GNAO1: variants seen among roughly 807,000 people sequenced by gnomAD.
The protein encoded by GNAO1 is G protein subunit alpha o1.
For missense variants in GNAO1, 166 were observed against 478.7 expected (o/e 0.35, Z 6.10); for synonymous variants, 164 against 180.7 (o/e 0.91, Z 0.74).
intron 6 of GNAO1, chr16:56,345,645 T>C (rs2037859222): frequency 1.0e-6 from 1 of 985,354 alleles, no homozygotes; most frequent in Admixed American, 6.1e-5. Context: ...TCGGTCATGT[T>C]TTGGACCTTG....
intron 3 of GNAO1, among the ~76,000 whole-genome samples, chr16:56,294,712 A>G (rs1231662008): frequency 6.6e-6 from 1 of 152,178 alleles, no homozygotes; most frequent in East Asian, 1.9e-4. Flanking sequence ...AAGTGGTAGT[A>G]CTGTTGAAAA....
chr16:56,321,251 A>G (rs181096703), intron 3 of GNAO1, among the ~76,000 whole-genome samples: 30 of 152,322 alleles, frequency 2.0e-4, no homozygotes, highest in Admixed American at 5.2e-4. Context: ...ATATCCTCCA[A>G]TGGATTTTTA....
chr16:56,336,948 G>A (rs1209422494), intron 6 of GNAO1, 88 bp downstream of exon 6: 5 of 1,275,834 alleles, frequency 3.9e-6, no homozygotes, highest in African/African-American at 3.0e-5. Flanking sequence ...GGCCTCGGGT[G>A]CCCACAATGG....
intron 3 of GNAO1, chr16:56,302,146 G>GT (rs2143586435): frequency 6.6e-6 from 1 of 152,550 alleles, no homozygotes; most frequent in East Asian, 1.9e-4. Flanking sequence ...GCCGTGTTCA[G>GT]TCCTCAGGGA....
At chr16:56,337,872 C>T (rs1239183567) in intron 6 of GNAO1, among the ~76,000 whole-genome samples, 14 of 152,318 alleles carry the variant, frequency 9.2e-5, no homozygotes, top group South Asian at 6.2e-4. Context: ...CTCCTGACAG[C>T]GGGGCCCATA....
chr16:56,288,743 G>A (rs1205404214), intron 3 of GNAO1, among the ~76,000 whole-genome samples: 3 of 152,054 alleles, frequency 2.0e-5, no homozygotes, highest in East Asian at 1.9e-4. Flanking sequence ...GGGTGGAGGC[G>A]GGTAGGGTCT....
chr16:56,288,828 C>G (rs2037199781), intron 3 of GNAO1, among the ~76,000 whole-genome samples: 1 of 152,136 alleles, frequency 6.6e-6, no homozygotes. Context: ...CCCCTAGGCC[C>G]TGCCTCGGCT....
chr16:56,340,161 C>T (rs1445566706), intron 6 of GNAO1: 1 of 152,260 alleles, frequency 6.6e-6, no homozygotes, highest in Non-Finnish European at 1.5e-5. Context: ...CTGTTTTCAT[C>T]TGTTTTGCTG....
chr16:56,276,296 C>A (rs867727516), intron 3 of GNAO1: 13 of 413,838 alleles, frequency 3.1e-5, no homozygotes, highest in Admixed American at 1.6e-4. Flanking sequence ...TACAAAACTC[C>A]CGGATTTATT....
At chr16:56,307,750 G>C (rs1477417143) in intron 3 of GNAO1, 1 of 152,250 alleles carries the variant, frequency 6.6e-6, no homozygotes, top group African/African-American at 2.4e-5. Flanking sequence ...CATGGTGTCT[G>C]TCTTCCATTC....
At chr16:56,319,809 A>G (rs2037553930) in intron 3 of GNAO1, among the ~76,000 whole-genome samples, 1 of 151,580 alleles carries the variant, frequency 6.6e-6, no homozygotes, top group Admixed American at 6.6e-5. Context: ...ACCCCTCTCA[A>G]TGCTGGAATG....
chr16:56,285,106 C>G (rs1351505376), intron 3 of GNAO1, among the ~76,000 whole-genome samples: 1 of 152,178 alleles, frequency 6.6e-6, no homozygotes, highest in Non-Finnish European at 1.5e-5. Flanking sequence ...CCATCAGTCT[C>G]TACATGTTCA....
At chr16:56,256,993 C>T (rs1275264149) in intron 2 of GNAO1, among the ~76,000 whole-genome samples, 2 of 152,096 alleles carry the variant, frequency 1.3e-5, no homozygotes, top group Admixed American at 6.6e-5. Context: ...GTTGTTTGTT[C>T]AGTTCTCTTT....
chr16:56,295,189 A>G (rs1207808201), intron 3 of GNAO1, among the ~76,000 whole-genome samples: 2 of 152,004 alleles, frequency 1.3e-5, no homozygotes, highest in Admixed American at 6.5e-5. Flanking sequence ...AGTTATTTCT[A>G]TTTGGCTGTG....
At chr16:56,194,703 G>A (rs1233448774) in intron 2 of GNAO1, among the ~76,000 whole-genome samples, 1 of 152,006 alleles carries the variant, frequency 6.6e-6, no homozygotes, top group African/African-American at 2.4e-5. Flanking sequence ...GGAGGAGGGG[G>A]AGAGGCCAGA....
In GNAO1 at chr16:56,340,884, A is replaced by G. The variant is rs2037795961; in HGVS notation, c.723+4024A>G. 3 of 1,613,866 alleles carry G rather than the reference A, an allele frequency of 1.9e-6. No individual in the cohort carries two copies. Among genetic ancestry groups the G allele is most frequent in the Non-Finnish European group, 2.5e-6 (3 of 1,179,822 alleles). The stretch of plus-strand genomic sequence containing the variant: ...TTTTTGACAGCATCTGCAACAACAA[A>G]TGGTTCACAGACACGTCCATCATCC... On this transcript the variant is annotated intron_variant, in intron 6 of 8. Transcript: ENST00000262493.
In GNAO1 at chr16:56,210,779, T is replaced by A. The variant is rs1247806210; in HGVS notation, c.161+18163T>A. Reference sequence around the variant, plus strand: ...TTAATTGGGTCATTTGTGTTCTTATTGTTGAATTTTAAGAGTTCTTTCTAT... The same window carrying A: ...TTAATTGGGTCATTTGTGTTCTTATAGTTGAATTTTAAGAGTTCTTTCTAT... On this transcript the variant is annotated intron_variant, in intron 2 of 8. Coordinates refer to ENST00000262493, the MANE Select transcript of GNAO1 (RefSeq NM_020988.3). Among the ~76,000 whole-genome samples the A allele has an allele frequency of 6.6e-5, 10 of 152,254 alleles. 1 individual carries two copies. Among genetic ancestry groups the A allele is most frequent in the Admixed American group, 6.5e-4 (10 of 15,288 alleles).
At chr16:56,341,014 C>T in intron 6 of GNAO1, 1 of 1,599,196 alleles carries the variant, frequency 6.3e-7, no homozygotes, top group Non-Finnish European at 8.5e-7. Context: ...GGACAGCAGG[C>T]CCCCGAGGGA....
Position 56,191,794 on chromosome 16 carries a change from GCCT to G in GNAO1, c.-430_-428del, listed in dbSNP as rs1260532621. On this transcript the variant is annotated 5_prime_UTR_variant, in exon 1 of 9. Coordinates refer to ENST00000262493, the MANE Select transcript of GNAO1 (RefSeq NM_020988.3). The surrounding 1 kb of genome is among the most constrained non-coding windows in gnomAD (Gnocchi z 4.7). ...CTCCACCTCCTCCTCCGCCGCCGCCGCCTCCTCCTCCTCCGGCAGCCGCGGCAG... is the reference window on the plus strand; with the variant it reads ...CTCCACCTCCTCCTCCGCCGCCGCCGCCTCCTCCTCCGGCAGCCGCGGCAG... 3.6e-4 allele frequency: 75 copies of G among 208,348 alleles called. No homozygotes were observed. The highest frequency in any genetic ancestry group is 1.9e-3 in the Middle Eastern group (1 of 518). 12.9% of individuals were successfully genotyped at this position (208,348 alleles called of 1,614,324 possible).
Sources: gnomAD v4.1 joint callset for allele counts (sites outside exome capture counted in the v4.1 genomes callset) on GRCh38, gnomAD v4.1.1 for gene constraint, Gnocchi (gnomAD v3.1) non-coding constraint, MANE v1.5 for transcripts, NCBI Gene and HGNC (gene_info 2026-07-23, HGNC 2026-07-21) for gene names.